Variants in KIAA1586 observed in about 807,000 individuals in gnomAD.
KIAA1586 encodes KIAA1586, also known as E3 SUMO-protein ligase KIAA1586.
A neutral mutation model predicts 6.1 loss-of-function variants in KIAA1586; 5 were observed. The ratio of observed to expected loss-of-function variants is 0.82; its 90% confidence interval spans 0.43 to 1.73. The LOEUF is 1.73. Among genes scored for constraint, KIAA1586 ranks in the 40% most tolerant of loss-of-function variants. The pLI is 0.02. For missense variants in KIAA1586, 899 were observed against 878.2 expected (o/e 1.02, Z -0.30); for synonymous variants, 280 against 301.7 (o/e 0.93, Z 0.75).
At chr6:57,062,878 C>T in the KIAA1586 span, among the ~76,000 whole-genome samples, 1 of 152,094 alleles carries the variant, frequency 6.6e-6, no homozygotes, top group Non-Finnish European at 1.5e-5. Context: ...TGGTGAAATC[C>T]CATCTCTACT....
the KIAA1586 span, among the ~76,000 whole-genome samples, chr6:57,062,945 C>T: frequency 6.6e-6 from 1 of 152,012 alleles, no homozygotes; most frequent in East Asian, 1.9e-4. Context: ...CATCCATCTA[C>T]TTAGGAGGCT....
At chr6:57,050,678 C>T in intron 2 of KIAA1586, 96 bp from the exon 3 acceptor site, 6 of 828,880 alleles carry the variant, frequency 7.2e-6, no homozygotes, top group Admixed American at 4.4e-5. Context: ...AGAATCTTTC[C>T]CAATTCCAAC....
rs1315009527 is a variant in KIAA1586 at position 57,053,036 on chromosome 6, T to C, written c.537T>C (p.His179=). The part of the protein sequence containing the change: ...HLGSKAEKHV[H]VSKEWIAYLV... ...GATCGAAAGCAGAAAAGCATGTCCA[T>C]GTGTCCAAGGAATGGATTGCATATT... is the stretch of plus-strand genomic sequence containing the variant. The change falls in exon 4 of 4, where the codon CAT becomes CAC. Residue 179 remains histidine, a synonymous_variant. Coordinates refer to ENST00000370733, the MANE Select transcript of KIAA1586 (RefSeq NM_020931.4). The C allele has an allele frequency of 1.9e-6, 3 of 1,613,776 alleles. No homozygotes were observed. Among genetic ancestry groups the C allele is most frequent in the African/African-American group, 1.3e-5 (1 of 74,904 alleles).
chr6:57,048,919 A>C lies in KIAA1586; in HGVS notation c.105+1523A>C, dbSNP rs562537804. On this transcript the variant is annotated intron_variant, in intron 2 of 3. Coordinates refer to ENST00000370733, the MANE Select transcript of KIAA1586 (RefSeq NM_020931.4). ...GATTTGTGTAATATCCTGAGGAATA[A>C]ATCATTATATTTTAAATTGTGAGTT... Among the ~76,000 whole-genome samples the C allele has an allele frequency of 5.5e-4, 84 of 152,338 alleles. No individual in the cohort carries two copies. In the Middle Eastern group the frequency reaches 0.014, roughly 25 times the overall value.
In KIAA1586 at chr6:57,053,429, GAA is replaced by G. The variant is rs776717133; in HGVS notation, c.931_932del (p.Asn311CysfsTer8). On this transcript the variant is annotated frameshift_variant, in exon 4 of 4. Coordinates refer to ENST00000370733, the MANE Select transcript of KIAA1586 (RefSeq NM_020931.4). LOFTEE classifies it low-confidence loss of function (END_TRUNC). ...AGATATTTAAGAATATTATAGAAGA[GAA>G]TGCCAAAATCTGTATCATAATTGAT... ...MKIFKNIIEE[N>X]AKICIIIDEA... The G allele has an allele frequency of 6.2e-7, 1 of 1,609,612 alleles. No individual in the cohort carries two copies. The highest frequency in any genetic ancestry group is 8.5e-7 in the Non-Finnish European group (1 of 1,177,896).
rs1053283309 is a variant in KIAA1586, at chr6:57,054,461, A to T, written c.1962A>T (p.Thr654=). The T allele has an allele frequency of 1.2e-6, 2 of 1,604,518 alleles. No individual in the cohort carries two copies. Among genetic ancestry groups the T allele is most frequent in the African/African-American group, 2.7e-5 (2 of 74,298 alleles). Residue 654 remains threonine, a synonymous_variant, in exon 4 of 4, where the codon ACA becomes ACT. Transcript: ENST00000370733. ...ITSPWIAGEK[T]LFHLCKILKY... is the part of the protein sequence containing the mutation. ...CACCATGGATAGCTGGTGAAAAAAC[A>T]TTATTTCATTTGTGTAAAATTTTAA...
chr6:57,064,068 T>C, the KIAA1586 span, among the ~76,000 whole-genome samples: 2 of 152,198 alleles, frequency 1.3e-5, no homozygotes, highest in African/African-American at 4.8e-5. Context: ...ACAGGCTTGC[T>C]GAAGAAGCTG....
chr6:57,056,922 T>C (rs986233566), downstream of KIAA1586, among the ~76,000 whole-genome samples: 14 of 152,212 alleles, frequency 9.2e-5, no homozygotes, highest in African/African-American at 2.6e-4. Flanking sequence ...CTAAATAAGA[T>C]GTTTTATTAA....
At chr6:57,050,259 T>C (rs1471865381) in intron 2 of KIAA1586, among the ~76,000 whole-genome samples, 1 of 151,810 alleles carries the variant, frequency 6.6e-6, no homozygotes, top group East Asian at 1.9e-4. Context: ...TTTTTTTTTT[T>C]CCTTTTTACT....
At chr6:57,059,415 AC>A (rs912250698), downstream of KIAA1586, among the ~76,000 whole-genome samples, 44 of 152,046 alleles carry the variant, frequency 2.9e-4, no homozygotes, top group Admixed American at 1.0e-3. Flanking sequence ...ACACGGTGAA[AC>A]CCCGTCTCTA....
At position 57,054,219 on chromosome 6, in the gene KIAA1586, T is replaced by G. The variant is rs753961478; in HGVS notation, c.1720T>G (p.Tyr574Asp). 4.4e-6 allele frequency: 7 copies of G among 1,594,244 alleles called. No homozygotes were observed. The highest frequency in any genetic ancestry group is 6.0e-6 in the Non-Finnish European group (7 of 1,173,730). ...AAATTTAAAAATTGGTACTGGAAAG[T>G]ATGAATCTCAAATTGAAGATTTGAT... ...LENLKIGTGKYESQIEDLIKS... is the reference protein window; with the variant it reads ...LENLKIGTGKDESQIEDLIKS... The change falls in exon 4 of 4, where the codon TAT (tyrosine) becomes GAT (aspartate). Residue 574 changes from tyrosine (Y) to aspartate (D), a missense_variant. By Grantham distance (160) the Tyr-to-Asp change is radical (BLOSUM62 -3). Coordinates refer to ENST00000370733, the MANE Select transcript of KIAA1586 (RefSeq NM_020931.4).
At chr6:57,063,652 C>T in the KIAA1586 span, among the ~76,000 whole-genome samples, 1 of 151,902 alleles carries the variant, frequency 6.6e-6, no homozygotes, top group African/African-American at 2.4e-5. Flanking sequence ...CGGGGTTTCA[C>T]CATGTTGGCC....
At chr6:57,060,926 C>T in the KIAA1586 span, among the ~76,000 whole-genome samples, 1 of 151,824 alleles carries the variant, frequency 6.6e-6, no homozygotes, top group African/African-American at 2.4e-5. Context: ...GCTGGGATTA[C>T]AGGCATGAAC....
Position 57,053,458 on chromosome 6 carries a change from A to T in KIAA1586, c.959A>T (p.Glu320Val). The T allele has an allele frequency of 6.2e-7, 1 of 1,611,932 alleles. No individual in the cohort carries two copies. The highest frequency in any genetic ancestry group is 8.5e-7 in the Non-Finnish European group (1 of 1,178,914). The change falls in exon 4 of 4, where the codon GAG (glutamate) becomes GTG (valine). Residue 320 changes from glutamate (E) to valine (V), a missense_variant. Glu to Val is a moderately radical substitution (Grantham distance 121). Coordinates refer to ENST00000370733, the MANE Select transcript of KIAA1586 (RefSeq NM_020931.4). ...ENAKICIIID[E>V]ASTVSKKTTL... The stretch of plus-strand genomic sequence containing the variant: ...GCCAAAATCTGTATCATAATTGATG[A>T]GGCATCTACAGTTTCAAAGAAAACC...
chr6:57,060,981 CTT>C, the KIAA1586 span, among the ~76,000 whole-genome samples: 18 of 138,206 alleles, frequency 1.3e-4, no homozygotes, highest in Non-Finnish European at 1.3e-4. Context: ...TATGTTCCGC[CTT>C]TTTTTTTTTT....
chr6:57,060,954 A>T, the KIAA1586 span, among the ~76,000 whole-genome samples: 53 of 147,216 alleles, frequency 3.6e-4, 1 homozygote, highest in Non-Finnish European at 1.6e-4. Flanking sequence ...TCTGGCCTGA[A>T]ATATGTGATT....
At chr6:57,050,028 G>GCAC (rs1828279910) in intron 2 of KIAA1586, among the ~76,000 whole-genome samples, 1 of 151,984 alleles carries the variant, frequency 6.6e-6, no homozygotes, top group Non-Finnish European at 1.5e-5. Context: ...TAGGGCCAGG[G>GCAC]GGTGGGTTTT....
At position 57,053,272 on chromosome 6, in the gene KIAA1586, A is replaced by G. The variant is rs1355685803; in HGVS notation, c.773A>G (p.Lys258Arg). 1.1e-5 allele frequency: 18 copies of G among 1,607,196 alleles called. No individual in the cohort carries two copies. Among genetic ancestry groups the G allele is most frequent in the Admixed American group, 3.4e-5 (2 of 58,146 alleles). The change falls in exon 4 of 4, where the codon AAA becomes AGA. Residue 258 changes from lysine to arginine, a missense_variant. Lys to Arg is a conservative substitution (Grantham distance 26, BLOSUM62 2). Coordinates refer to ENST00000370733, the MANE Select transcript of KIAA1586 (RefSeq NM_020931.4). ...TTCAATACTGTTTACAGTTTAGTAA[A>G]ACATAACAGACCTTTATCTGATATT... ...KVFNTVYSLVKHNRPLSDIEG... is the reference protein window; with the variant it reads ...KVFNTVYSLVRHNRPLSDIEG...
downstream of KIAA1586, among the ~76,000 whole-genome samples, chr6:57,058,262 C>T (rs1828524850): frequency 6.6e-6 from 1 of 152,148 alleles, no homozygotes; most frequent in South Asian, 2.1e-4. Flanking sequence ...TTCTTCATTC[C>T]ACTAAATGAT....
Sources: gnomAD v4.1 joint callset for allele counts (sites outside exome capture counted in the v4.1 genomes callset) on GRCh38, gnomAD v4.1.1 for gene constraint, MANE v1.5 for transcripts, NCBI Gene and HGNC (gene_info 2026-07-23, HGNC 2026-07-21) for gene names.